The following DAAM2 variants were observed in gnomAD, a reference collection of about 807,000 sequenced individuals.
The protein encoded by DAAM2 is disheveled-associated activator of morphogenesis 2.
In DAAM2, 39 loss-of-function variants were observed where a neutral mutation model predicts 120.7. That is an observed-to-expected ratio of 0.32 (90% CI 0.25 to 0.42). The LOEUF (loss-of-function observed/expected upper bound fraction) is 0.42. DAAM2 is among the 10% of genes least tolerant of loss of function. The pLI is 1.00. For missense variants in DAAM2, 1,283 were observed against 1,401.7 expected (o/e 0.92, Z 1.35); for synonymous variants, 488 against 524.9 (o/e 0.93, Z 0.96).
intron 9 of DAAM2, 54 bp downstream of exon 9, chr6:39,871,626 G>T: frequency 8.7e-6 from 13 of 1,487,848 alleles, no homozygotes; most frequent in African/African-American, 4.2e-5. Context: ...GTTCTTGGTG[G>T]CCCCACAGCC....
rs1386001391 is a variant in DAAM2, at chr6:39,878,437, A to G, written c.1394A>G (p.Lys465Arg). Residue 465 changes from lysine (K) to arginine (R), a missense_variant, in exon 13 of 25, where the codon AAG (lysine) becomes AGG (arginine). Lys to Arg is a conservative substitution (Grantham distance 26). Around this residue, in one of 3 missense-constraint regions of DAAM2, gnomAD observed 338 missense variants for 443.9 expected, o/e 0.76. Coordinates refer to ENST00000274867, the MANE Select transcript of DAAM2 (RefSeq NM_001201427.2). This position sits in a 1 kb window ranked among gnomAD's most constrained non-coding sequence, Gnocchi z 5.0. ...GAGCTTGTGAGCCGTCTGGAGAGGA[A>G]GGAGCGGGAATGCGAGACAAAGACA... ...HMELVSRLER[K>R]ERECETKTLE... The G allele has an allele frequency of 1.2e-6, 2 of 1,612,304 alleles. No homozygotes were observed. Among genetic ancestry groups the G allele is most frequent in the Middle Eastern group, 1.7e-4 (1 of 6,060 alleles).
In DAAM2 at chr6:39,901,958, T is replaced by G. The variant is rs1766516222; in HGVS notation, c.3128T>G (p.Leu1043Arg). ...GEVFDKDLCK[L>R]KRSRKRSGSQ... ...GTCTTCGACAAGGACTTATGCAAGC[T>G]CAAGCGCAGCCGCAAGCGATCAGGG... The change falls in exon 25 of 25, where the codon CTC becomes CGC. Residue 1043 changes from leucine (L) to arginine (R), a missense_variant. By Grantham distance (102) the Leu-to-Arg change is moderately radical. This residue lies in a region of DAAM2 where 748 missense variants were observed against 768.6 expected (regional missense o/e 0.97). Transcript: ENST00000274867. The surrounding 1 kb of genome is among the most constrained non-coding windows in gnomAD (Gnocchi z 4.5). 15 of 1,612,304 alleles carry G rather than the reference T, an allele frequency of 9.3e-6. No individual in the cohort carries two copies. The highest frequency in any genetic ancestry group is 1.3e-5 in the Non-Finnish European group (15 of 1,178,768).
At chr6:39,808,943 TGG>T (rs1250919102) in intron 1 of DAAM2, among the ~76,000 whole-genome samples, 1 of 152,218 alleles carries the variant, frequency 6.6e-6, no homozygotes, top group Non-Finnish European at 1.5e-5. Context: ...CATGGGAGCG[TGG>T]TTTCTCTAAG....
intron 1 of DAAM2, chr6:39,821,861 C>A (rs570057722): frequency 6.6e-6 from 1 of 152,428 alleles, no homozygotes; most frequent in South Asian, 2.1e-4. Flanking sequence ...AAATGAGTGA[C>A]CCTGTGAGTG....
At chr6:39,891,916 GC>G (rs1217012380) in intron 19 of DAAM2, among the ~76,000 whole-genome samples, 194 bp downstream of exon 19, 2 of 152,204 alleles carry the variant, frequency 1.3e-5, no homozygotes, top group Non-Finnish European at 2.9e-5. Context: ...TAGCACATGC[GC>G]CAACCTTGTG....
intron 1 of DAAM2, among the ~76,000 whole-genome samples, chr6:39,824,401 T>C (rs2114150934): frequency 6.6e-6 from 1 of 152,326 alleles, no homozygotes; most frequent in East Asian, 1.9e-4. Flanking sequence ...TCTCTGGCCC[T>C]GTAACCTGAA....
intron 2 of DAAM2, among the ~76,000 whole-genome samples, chr6:39,860,281 G>C (rs1165748806): frequency 6.6e-6 from 1 of 152,202 alleles, no homozygotes; most frequent in East Asian, 1.9e-4. Flanking sequence ...CAGTGGGAGG[G>C]GCTGCCTCCA....
At chr6:39,890,046 T>G (rs1183033043) in intron 17 of DAAM2, among the ~76,000 whole-genome samples, 2 of 152,090 alleles carry the variant, frequency 1.3e-5, no homozygotes, top group East Asian at 3.9e-4. Context: ...GAGAATCACT[T>G]GAACCCAGGA....
intron 1 of DAAM2, among the ~76,000 whole-genome samples, chr6:39,826,707 TAAA>T (rs1014898274): frequency 6.6e-6 from 1 of 152,098 alleles, no homozygotes; most frequent in Non-Finnish European, 1.5e-5. Context: ...AAAATGTACA[TAAA>T]AAATCAGATG....
intron 7 of DAAM2, among the ~76,000 whole-genome samples, chr6:39,869,378 A>G (rs191980241): frequency 1.3e-5 from 2 of 152,250 alleles, no homozygotes; most frequent in African/African-American, 2.4e-5. Context: ...TGAGGTCAGG[A>G]GTTTGAGACC....
chr6:39,803,249 G>T (rs1369510035), intron 1 of DAAM2, among the ~76,000 whole-genome samples: 1 of 152,106 alleles, frequency 6.6e-6, no homozygotes, highest in Non-Finnish European at 1.5e-5. Flanking sequence ...AGCTTTAGGA[G>T]GTATGGCCAA....
chr6:39,878,530 A>G lies in DAAM2; in HGVS notation c.1487A>G (p.Glu496Gly), dbSNP rs758856458. ...GACAAGCTGGCCCGGGAGTCCCAGG[A>G]GCTGCGCCAGGCTCGGGGACAAGTG... ...MKDKLARESQ[E>G]LRQARGQVAE... The change falls in exon 13 of 25, where the codon GAG (glutamate) becomes GGG (glycine). Residue 496 changes from glutamate to glycine, a missense_variant. Around this residue, in one of 3 missense-constraint regions of DAAM2, gnomAD observed 748 missense variants for 768.6 expected, o/e 0.97. Transcript: ENST00000274867. This position sits in a 1 kb window ranked among gnomAD's most constrained non-coding sequence, Gnocchi z 5.0. 27 of 1,610,190 alleles carry G rather than the reference A, an allele frequency of 1.7e-5. No homozygotes were observed. Among genetic ancestry groups the G allele is most frequent in the Non-Finnish European group, 2.2e-5 (26 of 1,178,376 alleles).
chr6:39,821,678 G>A (rs1762492990), intron 1 of DAAM2: 2 of 152,258 alleles, frequency 1.3e-5, no homozygotes, highest in Non-Finnish European at 2.9e-5. Context: ...TGTCAACCTT[G>A]AGGCAGGGAG....
At chr6:39,813,105 A>T (rs1762210693) in intron 1 of DAAM2, among the ~76,000 whole-genome samples, 1 of 151,888 alleles carries the variant, frequency 6.6e-6, no homozygotes, top group Non-Finnish European at 1.5e-5. Flanking sequence ...CACTAACCGG[A>T]TGACATTTTC....
chr6:39,867,167 C>A, intron 5 of DAAM2: 1 of 252,034 alleles, frequency 4.0e-6, no homozygotes, highest in Non-Finnish European at 7.7e-6. Context: ...TCTTTGTTAT[C>A]CGACTGTAAT....
intron 1 of DAAM2, among the ~76,000 whole-genome samples, chr6:39,834,918 A>T (rs1477400983): frequency 2.0e-5 from 3 of 152,150 alleles, no homozygotes; most frequent in Non-Finnish European, 4.4e-5. Flanking sequence ...CTTAAGACTG[A>T]GCTCTGGCAT....
intron 14 of DAAM2, among the ~76,000 whole-genome samples, chr6:39,882,568 A>G (rs1337562834): frequency 2.0e-5 from 3 of 151,990 alleles, no homozygotes; most frequent in Non-Finnish European, 4.4e-5. Context: ...CTGTGGCTGC[A>G]CACTGCTTCA....
intron 1 of DAAM2, among the ~76,000 whole-genome samples, chr6:39,818,202 A>AC (rs1373532357): frequency 6.7e-6 from 1 of 148,956 alleles, no homozygotes; most frequent in African/African-American, 2.5e-5. Context: ...AAAAAAAAAA[A>AC]AAAACTTCAC....
chr6:39,901,684 GA>G lies in DAAM2; in HGVS notation c.2983-126del. 9.8e-7 allele frequency: 1 copy of G among 1,025,556 alleles called. No homozygotes were observed. The highest frequency in any genetic ancestry group is 1.4e-6 in the Non-Finnish European group (1 of 725,284). The allele number at this position is 1,025,556 out of a possible 1,614,324, so 63.5% of individuals were successfully genotyped here. A position where few individuals can be genotyped will look rare whatever the true frequency, so the allele number is the denominator to read the frequency against. On this transcript the variant is annotated intron_variant, in intron 24 of 24. Transcript: ENST00000274867. This position sits in a 1 kb window ranked among gnomAD's most constrained non-coding sequence, Gnocchi z 4.5. ...GGGGCCTGTATGTCCTAGGCAGGAA[GA>G]AAGTGGGGCCAACAGATACAGGCAG...
Sources: allele counts gnomAD v4.1 joint callset (sites outside exome capture counted in the v4.1 genomes callset), GRCh38; gene constraint gnomAD v4.1.1; regional missense constraint gnomAD v4.1.1; non-coding constraint Gnocchi (gnomAD v3.1); transcripts MANE v1.5; gene names NCBI Gene and HGNC (gene_info 2026-07-23, HGNC 2026-07-21).